Variants in VWA8 observed in about 807,000 individuals in gnomAD.
VWA8 encodes the protein von Willebrand factor A domain containing 8, also known as von Willebrand factor A domain-containing protein 8.
In VWA8, 221 loss-of-function variants were observed where a neutral mutation model predicts 241.5. The ratio of observed to expected loss-of-function variants is 0.91; its 90% CI spans 0.82 to 1.02. The LOEUF is 1.02. Ranked by LOEUF, VWA8 falls within the 50% of genes least tolerant of loss-of-function variation. The pLI is 0.00. For missense variants in VWA8, 2,322 were observed against 2,328.7 expected (o/e 1.00, Z 0.06); for synonymous variants, 852 against 827.1 (o/e 1.03, Z -0.52).
chr13:41,782,886 G>C (rs1040208711), intron 19 of VWA8, among the ~76,000 whole-genome samples: 5 of 151,476 alleles, frequency 3.3e-5, no homozygotes, highest in African/African-American at 1.2e-4. Context: ...AAGCTTTCTA[G>C]ATACAAACTT....
intron 36 of VWA8, among the ~76,000 whole-genome samples, chr13:41,673,956 A>G (rs2045042910): frequency 6.6e-6 from 1 of 152,176 alleles, no homozygotes. Context: ...AAAATTATCA[A>G]TGTTTTAGAT....
intron 42 of VWA8, among the ~76,000 whole-genome samples, chr13:41,578,418 A>T (rs1411672765): frequency 2.0e-5 from 3 of 152,194 alleles, no homozygotes; most frequent in Non-Finnish European, 2.9e-5. Flanking sequence ...GCGTTACTGC[A>T]GATTATATTA....
chr13:41,695,368 G>A (rs183975504), intron 29 of VWA8, among the ~76,000 whole-genome samples: 38 of 152,254 alleles, frequency 2.5e-4, no homozygotes, highest in Admixed American at 6.5e-4. Context: ...CCAGGGACAT[G>A]CATCTGAGCA....
Position 41,868,404 on chromosome 13 carries a change from T to G in VWA8, c.1154A>C (p.Asn385Thr). The G allele has an allele frequency of 1.9e-6, 3 of 1,614,142 alleles. No homozygotes were observed. The highest frequency in any genetic ancestry group is 2.5e-6 in the Non-Finnish European group (3 of 1,180,010). Reference protein sequence around the residue: ...EIVKVEKMMENHVSQASVTIR... With the variant: ...EIVKVEKMMETHVSQASVTIR... ...GGTCACAGAAGCTTGGGACACATGGTTTTCCATCATCTTCTCTACTTTTAC... is the reference window on the plus strand; with the variant it reads ...GGTCACAGAAGCTTGGGACACATGGGTTTCCATCATCTTCTCTACTTTTAC... The change falls in exon 10 of 45, where the codon AAC (asparagine) becomes ACC (threonine). Residue 385 changes from asparagine to threonine, a missense_variant. Coordinates refer to ENST00000379310, the MANE Select transcript of VWA8 (RefSeq NM_015058.2).
intron 20 of VWA8, 133 bp from the exon 21 acceptor site, chr13:41,761,337 C>T (rs1301628107): frequency 7.7e-6 from 6 of 782,166 alleles, no homozygotes; most frequent in Non-Finnish European, 1.2e-5. Flanking sequence ...TTCATGAAAA[C>T]CAAACTGGCA....
chr13:41,705,661 A>G (rs1423654474), intron 26 of VWA8, among the ~76,000 whole-genome samples: 3 of 152,132 alleles, frequency 2.0e-5, no homozygotes, highest in Non-Finnish European at 4.4e-5. Flanking sequence ...TCTAAGTATT[A>G]ATTTTTTTTC....
At chr13:41,959,940 G>A (rs905434950) in intron 1 of VWA8, among the ~76,000 whole-genome samples, 1 of 152,130 alleles carries the variant, frequency 6.6e-6, no homozygotes, top group East Asian at 1.9e-4. Context: ...GAAAACTGGG[G>A]GTTGCGGGGA....
chr13:41,747,284 T>C (rs979117825), intron 21 of VWA8, among the ~76,000 whole-genome samples: 1 of 152,214 alleles, frequency 6.6e-6, no homozygotes, highest in African/African-American at 2.4e-5. Context: ...TGAGCAGTGG[T>C]TTGTCGTTCT....
chr13:41,776,120 G>A (rs1016132723), intron 20 of VWA8, among the ~76,000 whole-genome samples: 2 of 152,086 alleles, frequency 1.3e-5, no homozygotes, highest in South Asian at 4.2e-4. Context: ...CTGCACCTTA[G>A]AAAAATTATT....
chr13:41,597,672 G>C (rs1277110569), intron 40 of VWA8, among the ~76,000 whole-genome samples: 1 of 151,730 alleles, frequency 6.6e-6, no homozygotes, highest in Non-Finnish European at 1.5e-5. Flanking sequence ...TAAATATTTT[G>C]TAATTAAAAG....
intron 37 of VWA8, among the ~76,000 whole-genome samples, chr13:41,668,491 C>A (rs2045001457): frequency 6.6e-6 from 1 of 152,078 alleles, no homozygotes; most frequent in Admixed American, 6.6e-5. Flanking sequence ...AGGAGCAGAT[C>A]TGTGCTGAAT....
In VWA8 at chr13:41,727,313, T is replaced by A. The variant is rs2045444818; in HGVS notation, c.2639A>T (p.Asn880Ile). The change falls in exon 24 of 45, where the codon AAT (asparagine) becomes ATT (isoleucine). Residue 880 changes from asparagine to isoleucine, a missense_variant and splice_region_variant. Asn to Ile is a moderately radical substitution (Grantham distance 149). Transcript: ENST00000379310. The part of the protein sequence containing the change: ...ILADGRRIVA[N>I]SANVNGRENV... ...TTCTCTTCCATTCACATTAGCAGAATCTGAAAAACAAAATTTGTTTATTCT... is the reference window on the plus strand; with the variant it reads ...TTCTCTTCCATTCACATTAGCAGAAACTGAAAAACAAAATTTGTTTATTCT... 2 of 1,493,728 alleles carry A rather than the reference T, an allele frequency of 1.3e-6. No homozygotes were observed. Among genetic ancestry groups the A allele is most frequent in the Non-Finnish European group, 1.8e-6 (2 of 1,117,798 alleles). The allele number at this position is 1,493,728 out of a possible 1,614,324, so 92.5% of individuals were successfully genotyped here.
chr13:41,645,302 T>A (rs2044823891), intron 37 of VWA8, among the ~76,000 whole-genome samples: 1 of 152,226 alleles, frequency 6.6e-6, no homozygotes, highest in Non-Finnish European at 1.5e-5. Flanking sequence ...ATGCCAGGTA[T>A]GTATCATGTT....
intron 37 of VWA8, among the ~76,000 whole-genome samples, chr13:41,639,675 G>C (rs12872879): frequency 6.6e-6 from 1 of 152,058 alleles, no homozygotes; most frequent in African/African-American, 2.4e-5. Flanking sequence ...AGACTCTCAC[G>C]GCATAAAGTG....
chr13:41,691,467 T>A lies in VWA8; in HGVS notation c.3741-22A>T, dbSNP rs1425136391. 3 of 1,609,930 alleles carry A rather than the reference T, an allele frequency of 1.9e-6. No homozygotes were observed. The African/African-American group carries it at 4.0e-5, about 22-fold the overall frequency. On this transcript the variant is annotated intron_variant, in intron 31 of 44. Coordinates refer to ENST00000379310, the MANE Select transcript of VWA8 (RefSeq NM_015058.2). ...GTTCCTGGAAAAGAAGAAAACTGTATCTGAAAGGAAATGGTGAGGATAATG... is the reference window on the plus strand; with the variant it reads ...GTTCCTGGAAAAGAAGAAAACTGTAACTGAAAGGAAATGGTGAGGATAATG...
intron 9 of VWA8, among the ~76,000 whole-genome samples, chr13:41,882,702 G>T (rs1222295739): frequency 6.6e-6 from 1 of 152,210 alleles, no homozygotes; most frequent in East Asian, 1.9e-4. Flanking sequence ...CACTCGGCAG[G>T]CTGAGGCAGG....
intron 40 of VWA8, among the ~76,000 whole-genome samples, chr13:41,602,508 G>C (rs563443805): frequency 5.9e-5 from 9 of 152,212 alleles, no homozygotes; most frequent in African/African-American, 2.2e-4. Context: ...CACAATGTAT[G>C]TTTCCTCATC....
At chr13:41,917,089 C>T (rs1876295992) in intron 2 of VWA8, among the ~76,000 whole-genome samples, 1 of 152,130 alleles carries the variant, frequency 6.6e-6, no homozygotes, top group Non-Finnish European at 1.5e-5. Context: ...AAAATATGTA[C>T]TATTTTTTGC....
chr13:41,805,744 G>A (rs1870162609), intron 17 of VWA8, among the ~76,000 whole-genome samples: 1 of 152,046 alleles, frequency 6.6e-6, no homozygotes, highest in African/African-American at 2.4e-5. Flanking sequence ...AACCTGGGAG[G>A]CGGAGGTTGC....
Sources: allele counts gnomAD v4.1 joint callset (sites outside exome capture counted in the v4.1 genomes callset), GRCh38; gene constraint gnomAD v4.1.1; transcripts MANE v1.5; gene names NCBI Gene and HGNC (gene_info 2026-07-23, HGNC 2026-07-21).